ZNF487: variants seen among roughly 807,000 people sequenced by gnomAD.
ZNF487 encodes the protein KRAB domain only 1.
Under a neutral mutation model 3.0 loss-of-function variants are expected in ZNF487, and 4 were observed. That is an observed-to-expected ratio of 1.35 (90% CI 0.66 to 3.08). ZNF487 has a LOEUF of 3.08. Ranked by LOEUF, ZNF487 falls within the 30% of genes most tolerant of loss-of-function variation. The pLI is 0.01. For missense variants in ZNF487, 146 were observed against 98.7 expected (o/e 1.48, Z -2.03); for synonymous variants, 55 against 34.6 (o/e 1.59, Z -2.06).
chr10:43,462,840 G>T (rs1217970167), intron 1 of ZNF487, among the ~76,000 whole-genome samples: 1 of 151,504 alleles, frequency 6.6e-6, no homozygotes, highest in Non-Finnish European at 1.5e-5. Context: ...CATGATCTTA[G>T]CTCATTGTAA....
chr10:43,456,214 C>T (rs1485559755), intron 1 of ZNF487, among the ~76,000 whole-genome samples: 1 of 152,110 alleles, frequency 6.6e-6, no homozygotes, highest in Non-Finnish European at 1.5e-5. Context: ...GACTTGGGGC[C>T]CTGATGTAAG....
chr10:43,477,907 A>G (rs1841163494), intron 3 of ZNF487, among the ~76,000 whole-genome samples: 1 of 151,892 alleles, frequency 6.6e-6, no homozygotes, highest in Admixed American at 6.6e-5. Context: ...CAGAGATCGC[A>G]CTATTGTACT....
chr10:43,512,570 C>T, the ZNF487 span, among the ~76,000 whole-genome samples: 2 of 152,162 alleles, frequency 1.3e-5, no homozygotes, highest in African/African-American at 4.8e-5. Context: ...GATGGCAGGG[C>T]CTTGCTCCAA....
At chr10:43,486,971 C>T (rs568154686), downstream of ZNF487, among the ~76,000 whole-genome samples, 9 of 152,224 alleles carry the variant, frequency 5.9e-5, no homozygotes, top group African/African-American at 2.2e-4. Context: ...ATATCTTAAA[C>T]TTATAAAATC....
the ZNF487 span, among the ~76,000 whole-genome samples, chr10:43,491,953 G>A: frequency 6.6e-6 from 1 of 151,614 alleles, no homozygotes; most frequent in African/African-American, 2.4e-5. Context: ...TTTGATATGA[G>A]GTCTTTGGCC....
At position 43,470,663 on chromosome 10, in the gene ZNF487, G is replaced by A. The variant is rs952104990; in HGVS notation, c.-93-5058G>A. Among the ~76,000 whole-genome samples, 10 of 151,646 alleles carry A rather than the reference G, an allele frequency of 6.6e-5. No individual in the cohort carries two copies. In the South Asian group the frequency reaches 2.1e-3, roughly 32 times the overall value. On this transcript the variant is annotated intron_variant, in intron 1 of 3. Transcript: ENST00000437590. ...GCCTTCCAAAGTGCTGGGATTACAG[G>A]CGTGAGCCAGCACACCCGGGCAATT...
chr10:43,463,712 C>CTTT (rs146195685), intron 1 of ZNF487, among the ~76,000 whole-genome samples: 2 of 143,506 alleles, frequency 1.4e-5, no homozygotes, highest in East Asian at 2.0e-4. Flanking sequence ...TTCTTTCTTT[C>CTTT]TTTTTTTTTT....
rs533017803 is a variant in ZNF487, at chr10:43,477,580, A to G, written c.130+1378A>G. Among the ~76,000 whole-genome samples, 5 of 152,218 alleles carry G rather than the reference A, an allele frequency of 3.3e-5. No individual in the cohort carries two copies. In the South Asian group the frequency reaches 1.0e-3, roughly 32 times the overall value. ...TAATGAGTAAATGCTAAAAGAAAGT[A>G]ATACTTGTAACTTCTAAACTTTTAA... On this transcript the variant is annotated intron_variant, in intron 3 of 3. Coordinates refer to ENST00000437590, the MANE Select transcript of ZNF487 (RefSeq NM_001355444.3).
At chr10:43,518,617 G>T in the ZNF487 span, among the ~76,000 whole-genome samples, 427 of 152,076 alleles carry the variant, frequency 2.8e-3, 2 homozygotes, top group African/African-American at 9.7e-3. Context: ...CCTCTTGTCT[G>T]CCCTGCTCAG....
the ZNF487 span, among the ~76,000 whole-genome samples, chr10:43,499,565 A>G: frequency 6.6e-6 from 1 of 152,066 alleles, no homozygotes; most frequent in Non-Finnish European, 1.5e-5. Flanking sequence ...TAGCCTGGGC[A>G]CACGGCAAAA....
the ZNF487 span, among the ~76,000 whole-genome samples, chr10:43,515,737 C>T: frequency 6.6e-6 from 1 of 152,196 alleles, no homozygotes; most frequent in African/African-American, 2.4e-5. Flanking sequence ...ATTTGAATCT[C>T]AGTATCTGCT....
chr10:43,502,007 A>G, the ZNF487 span, among the ~76,000 whole-genome samples: 1 of 152,206 alleles, frequency 6.6e-6, no homozygotes, highest in African/African-American at 2.4e-5. Context: ...TAGAGGTACC[A>G]TTTGACCCAG....
the ZNF487 span, among the ~76,000 whole-genome samples, chr10:43,519,426 A>G: frequency 1.3e-5 from 2 of 152,098 alleles, no homozygotes; most frequent in South Asian, 4.1e-4. Flanking sequence ...CTGGCAGGAT[A>G]AATCTATGAT....
chr10:43,467,738 A>G (rs1840758927), intron 1 of ZNF487, among the ~76,000 whole-genome samples: 2 of 150,840 alleles, frequency 1.3e-5, no homozygotes, highest in African/African-American at 4.9e-5. Context: ...AATCGCTTGA[A>G]CCTGGGAGGC....
At chr10:43,442,552 T>C (rs1050539601) in intron 1 of ZNF487, among the ~76,000 whole-genome samples, 1 of 152,146 alleles carries the variant, frequency 6.6e-6, no homozygotes, top group Non-Finnish European at 1.5e-5. Context: ...GAAATGATTC[T>C]CCTTCCTCAG....
the ZNF487 span, among the ~76,000 whole-genome samples, chr10:43,511,773 C>T: frequency 3.7e-4 from 57 of 152,278 alleles, no homozygotes; most frequent in African/African-American, 1.3e-3. Flanking sequence ...GTGCTGTCCA[C>T]GGAACGGGTC....
chr10:43,493,006 G>T, the ZNF487 span, among the ~76,000 whole-genome samples: 1 of 152,232 alleles, frequency 6.6e-6, no homozygotes, highest in Middle Eastern at 3.4e-3. Flanking sequence ...CGAGGCAGGT[G>T]GATCACCTGA....
At chr10:43,443,101 C>T (rs1450896999) in intron 1 of ZNF487, among the ~76,000 whole-genome samples, 42 of 116,782 alleles carry the variant, frequency 3.6e-4, no homozygotes, top group African/African-American at 8.4e-4. Context: ...TTGCTCTTGT[C>T]GCTCAGGCTG....
chr10:43,465,963 A>T (rs951360266), intron 1 of ZNF487, among the ~76,000 whole-genome samples: 2 of 152,182 alleles, frequency 1.3e-5, no homozygotes, highest in African/African-American at 4.8e-5. Context: ...AGGCTGGGGG[A>T]TCACTCGCAG....
Sources: gnomAD v4.1 joint callset for allele counts (sites outside exome capture counted in the v4.1 genomes callset) on GRCh38, gnomAD v4.1.1 for gene constraint, MANE v1.5 for transcripts, NCBI Gene and HGNC (gene_info 2026-07-23, HGNC 2026-07-21) for gene names.